The following TMEM71 variants were observed in gnomAD, a reference collection of about 807,000 sequenced individuals.
The protein encoded by TMEM71 is transmembrane protein 71.
Under a neutral mutation model 38.0 loss-of-function variants are expected in TMEM71, and 44 were observed. The observed-to-expected ratio is 1.16, with a 90% confidence interval of 0.91 to 1.49. TMEM71 has a LOEUF of 1.49. TMEM71 is among the 40% of genes most tolerant of loss of function. TMEM71 has a pLI of 0.00. For synonymous variants in TMEM71, 133 were observed against 122.5 expected, an observed-to-expected ratio of 1.09 and a Z score of -0.56; for missense variants, 367 against 348.6, an observed-to-expected ratio of 1.05 and a Z score of -0.42.
intron 5 of TMEM71, among the ~76,000 whole-genome samples, chr8:132,742,963 G>A (rs1006313695): frequency 5.3e-5 from 8 of 152,128 alleles, no homozygotes; most frequent in South Asian, 2.1e-4. Flanking sequence ...GAGAGAGCTC[G>A]TGCAGGGAAA....
chr8:132,724,824 C>T (rs1827048223), intron 6 of TMEM71, among the ~76,000 whole-genome samples: 1 of 152,132 alleles, frequency 6.6e-6, no homozygotes, highest in Non-Finnish European at 1.5e-5. Context: ...CATTCAGGGT[C>T]CCTGACTTTC....
rs1054690220 is a variant in TMEM71 at position 132,710,194 on chromosome 8, G to A, written c.*773C>T. On this transcript the variant is annotated 3_prime_UTR_variant, in exon 10 of 10. Transcript: ENST00000677595. ...ACAGCCCTTGAGTCAAGGCTCAAGG[G>A]TACAACTGCACCATTTTCATGCATT... 6.6e-6 allele frequency: 1 copy of A among 152,052 alleles called. No individual in the cohort carries two copies. Among genetic ancestry groups the A allele is most frequent in the African/African-American group, 2.4e-5 (1 of 41,380 alleles). 9.4% of individuals were successfully genotyped at this position (152,052 alleles called of 1,614,324 possible).
At chr8:132,752,727 T>A (rs1457331829) in intron 3 of TMEM71, among the ~76,000 whole-genome samples, 2 of 139,736 alleles carry the variant, frequency 1.4e-5, no homozygotes, top group Non-Finnish European at 3.1e-5. Flanking sequence ...CTGGGCACCA[T>A]AGCAAAGACC....
chr8:132,748,765 T>C (rs949122802), intron 4 of TMEM71, among the ~76,000 whole-genome samples: 5 of 152,226 alleles, frequency 3.3e-5, no homozygotes, highest in Non-Finnish European at 4.4e-5. Flanking sequence ...AAAGTATGGA[T>C]GAGACATCTT....
chr8:132,770,555 A>C, the TMEM71 span, among the ~76,000 whole-genome samples: 1 of 152,334 alleles, frequency 6.6e-6, no homozygotes, highest in East Asian at 1.9e-4. Flanking sequence ...GGATGCTGTA[A>C]TGTCTTAAGC....
the TMEM71 span, among the ~76,000 whole-genome samples, chr8:132,767,795 C>T: frequency 6.6e-6 from 1 of 152,124 alleles, no homozygotes; most frequent in African/African-American, 2.4e-5. Context: ...TTTTTGACTG[C>T]TAGCAGCTTG....
chr8:132,738,698 C>A (rs1032035464), intron 5 of TMEM71, among the ~76,000 whole-genome samples: 1 of 152,152 alleles, frequency 6.6e-6, no homozygotes, highest in Non-Finnish European at 1.5e-5. Context: ...CCTCACCCCC[C>A]ACATCCCTGC....
At chr8:132,773,968 G>A in the TMEM71 span, among the ~76,000 whole-genome samples, 2,500 of 152,150 alleles carry the variant, frequency 0.016, 27 homozygotes, top group Non-Finnish European at 0.022. Flanking sequence ...TATCAGTGAG[G>A]CCTTGGTTCA....
intron 3 of TMEM71, among the ~76,000 whole-genome samples, chr8:132,754,254 A>G (rs1288461872): frequency 6.6e-6 from 1 of 152,054 alleles, no homozygotes; most frequent in Admixed American, 6.6e-5. Flanking sequence ...ATATTATCAC[A>G]CTATTAAATA....
At chr8:132,738,472 G>C (rs915659856) in intron 5 of TMEM71, among the ~76,000 whole-genome samples, 1 of 152,028 alleles carries the variant, frequency 6.6e-6, no homozygotes, top group South Asian at 2.1e-4. Flanking sequence ...CCTATTTCCT[G>C]CCACTTCCTT....
the TMEM71 span, among the ~76,000 whole-genome samples, chr8:132,771,307 A>G: frequency 6.6e-6 from 1 of 152,170 alleles, no homozygotes; most frequent in Non-Finnish European, 1.5e-5. Flanking sequence ...TCAGGGTTGG[A>G]TGATAAATTT....
chr8:132,742,955 G>A (rs888201186), intron 5 of TMEM71, among the ~76,000 whole-genome samples: 5 of 152,218 alleles, frequency 3.3e-5, no homozygotes, highest in Admixed American at 2.6e-4. Context: ...CAGGGAAAGA[G>A]AGAGCTCGTG....
intron 9 of TMEM71, among the ~76,000 whole-genome samples, chr8:132,712,171 G>T (rs1263889031): frequency 2.0e-5 from 3 of 152,084 alleles, no homozygotes; most frequent in Non-Finnish European, 4.4e-5. Flanking sequence ...GTTTTCACAG[G>T]TCTTAAATGC....
downstream of TMEM71, among the ~76,000 whole-genome samples, chr8:132,707,218 G>A (rs959700024): frequency 2.0e-5 from 3 of 152,004 alleles, no homozygotes; most frequent in African/African-American, 7.3e-5. Flanking sequence ...AAACGTAATT[G>A]GTAATAAAAA....
In TMEM71 at chr8:132,758,833, C is replaced by T. The variant is rs376904497; in HGVS notation, c.40+7G>A. 1.1e-5 allele frequency: 18 copies of T among 1,612,818 alleles called. No homozygotes were observed. The highest frequency in any genetic ancestry group is 1.7e-5 in the Admixed American group (1 of 59,970). ...ATAATTGCGTATCACAGTTCTTCTACATTTACTTGCTACTGGTGTTGACAT... is the reference window on the plus strand; with the variant it reads ...ATAATTGCGTATCACAGTTCTTCTATATTTACTTGCTACTGGTGTTGACAT... On this transcript the variant is annotated splice_region_variant and intron_variant, in intron 2 of 9. Transcript: ENST00000677595.
At chr8:132,725,835 C>T (rs1006991144) in intron 6 of TMEM71, among the ~76,000 whole-genome samples, 5 of 152,076 alleles carry the variant, frequency 3.3e-5, no homozygotes, top group African/African-American at 1.2e-4. Context: ...AGTAGGAGGC[C>T]ACCCAGGTAT....
At chr8:132,735,703 G>T (rs1430528171) in intron 5 of TMEM71, among the ~76,000 whole-genome samples, 1 of 152,220 alleles carries the variant, frequency 6.6e-6, no homozygotes, top group Non-Finnish European at 1.5e-5. Context: ...ATTTCAAAGA[G>T]ACAACGAAGG....
At chr8:132,719,331 C>G (rs1826712450) in intron 7 of TMEM71, among the ~76,000 whole-genome samples, 1 of 152,168 alleles carries the variant, frequency 6.6e-6, no homozygotes, top group Non-Finnish European at 1.5e-5. Context: ...TTTTGAGTGT[C>G]TACATGATGC....
intron 5 of TMEM71, among the ~76,000 whole-genome samples, chr8:132,729,089 T>C (rs1827310773): frequency 6.6e-6 from 1 of 152,214 alleles, no homozygotes; most frequent in African/African-American, 2.4e-5. Context: ...GTCAAGTTTA[T>C]TGCAAAAGCA....
Sources: gnomAD v4.1 joint callset for allele counts (sites outside exome capture counted in the v4.1 genomes callset) on GRCh38, gnomAD v4.1.1 for gene constraint, MANE v1.5 for transcripts, NCBI Gene and HGNC (gene_info 2026-07-23, HGNC 2026-07-21) for gene names.